Variants in PLD5 observed in about 807,000 individuals in gnomAD.
The protein encoded by PLD5 is phospholipase D family member 5, also known as inactive phospholipase D5.
In PLD5, 36 loss-of-function variants were observed where a neutral mutation model predicts 61.1. That is an observed-to-expected ratio of 0.59 (90% confidence interval 0.45 to 0.78). The LOEUF is 0.78. Among genes scored for constraint, PLD5 ranks in the 30% least tolerant of loss-of-function variants. The pLI is 0.00. For synonymous variants in PLD5, 243 were observed against 242.8 expected (o/e 1.00, Z -0.01); for missense variants, 515 against 644.4 (o/e 0.80, Z 2.17).
intron 3 of PLD5, among the ~76,000 whole-genome samples, chr1:242,281,113 G>A (rs921298232): frequency 8.5e-5 from 13 of 152,190 alleles, no homozygotes; most frequent in African/African-American, 3.1e-4. Flanking sequence ...GGACAGATAA[G>A]AGGCATTATG....
At chr1:242,398,227 C>A (rs1002524579) in intron 1 of PLD5, among the ~76,000 whole-genome samples, 7 of 152,164 alleles carry the variant, frequency 4.6e-5, no homozygotes, top group Admixed American at 1.3e-4. Context: ...CTTGTGAGTA[C>A]AACCTAGACA....
chr1:242,445,166 C>A (rs1456229513), intron 1 of PLD5, among the ~76,000 whole-genome samples: 1 of 152,104 alleles, frequency 6.6e-6, no homozygotes, highest in Non-Finnish European at 1.5e-5. Flanking sequence ...CATCACTAAT[C>A]AGATTAGTGC....
At chr1:242,492,392 G>A (rs964505575) in intron 1 of PLD5, among the ~76,000 whole-genome samples, 2 of 151,670 alleles carry the variant, frequency 1.3e-5, no homozygotes, top group Admixed American at 1.3e-4. Flanking sequence ...CATGGTGGTG[G>A]GTGCCTGTAA....
chr1:242,246,971 ATTCTTT>A (rs1234915673), intron 4 of PLD5, among the ~76,000 whole-genome samples: 5 of 127,700 alleles, frequency 3.9e-5, no homozygotes, highest in Admixed American at 3.5e-4. Context: ...GGTTTTAGGG[ATTCTTT>A]TTTTTTTTTT....
chr1:242,191,867 G>T (rs112269179), intron 5 of PLD5, among the ~76,000 whole-genome samples: 232 of 152,244 alleles, frequency 1.5e-3, no homozygotes, highest in African/African-American at 5.1e-3. Context: ...TAGGAGGGTG[G>T]TTGTGAGGTC....
intron 5 of PLD5, among the ~76,000 whole-genome samples, chr1:242,169,670 C>T (rs930527755): frequency 6.6e-6 from 1 of 152,170 alleles, no homozygotes; most frequent in Non-Finnish European, 1.5e-5. Context: ...AGCAAACTAA[C>T]ATCCACTGGC....
At chr1:242,207,772 ATTTATATAT>A (rs1558343424) in intron 5 of PLD5, among the ~76,000 whole-genome samples, 18 of 107,750 alleles carry the variant, frequency 1.7e-4, no homozygotes, top group African/African-American at 9.4e-4. Flanking sequence ...ATTTATATAT[ATTTATATAT>A]ATTTATATTT....
At chr1:242,176,166 T>C (rs529260790) in intron 5 of PLD5, among the ~76,000 whole-genome samples, 3 of 152,130 alleles carry the variant, frequency 2.0e-5, no homozygotes, top group African/African-American at 7.2e-5. Context: ...GGAGGCATCA[T>C]GCTACCTGAC....
At chr1:242,362,015 T>A (rs2043910) in intron 1 of PLD5, among the ~76,000 whole-genome samples, 143,347 of 151,164 alleles carry the variant, frequency 0.95, 68,353 homozygotes, top group Non-Finnish European at 1. Context: ...AGGAAAAAAA[T>A]GGAATTTACC....
At chr1:242,503,815 G>A (rs1295772747) in intron 1 of PLD5, among the ~76,000 whole-genome samples, 1 of 152,150 alleles carries the variant, frequency 6.6e-6, no homozygotes, top group South Asian at 2.1e-4. Context: ...GTCGGGAGCC[G>A]TTGATGGCAT....
intron 5 of PLD5, among the ~76,000 whole-genome samples, chr1:242,172,547 T>C (rs1422951673): frequency 2.6e-5 from 4 of 151,984 alleles, no homozygotes; most frequent in African/African-American, 7.2e-5. Flanking sequence ...GTGAAGGCGA[T>C]AGAGACACAA....
chr1:242,220,214 C>T, intron 4 of PLD5, 99 bp from the exon 5 acceptor site: 1 of 1,442,390 alleles, frequency 6.9e-7, no homozygotes, highest in South Asian at 1.3e-5. Flanking sequence ...ACCATTTGTC[C>T]CAATTGACAT....
chr1:242,137,145 A>G lies in PLD5; in HGVS notation c.736-12480T>C, dbSNP rs562907088. On this transcript the variant is annotated intron_variant, in intron 5 of 9. Coordinates refer to ENST00000536534, the MANE Select transcript of PLD5 (RefSeq NM_001372062.1). ...CCAGGACACATAGCCCTCCTGGGCA[A>G]ATAACTCACAATCTTCCTATACCCA... Among the ~76,000 whole-genome samples, 20 of 152,346 alleles carry G rather than the reference A, an allele frequency of 1.3e-4. No individual in the cohort carries two copies. In the Middle Eastern group the frequency reaches 0.01, roughly 78 times the overall value.
chr1:242,469,671 C>T (rs1021825358), intron 1 of PLD5, among the ~76,000 whole-genome samples: 4 of 152,112 alleles, frequency 2.6e-5, no homozygotes, highest in African/African-American at 9.7e-5. Context: ...CCACTATGCC[C>T]AGCTAATTTT....
At chr1:242,098,712 G>T (rs751445027) in intron 9 of PLD5, among the ~76,000 whole-genome samples, 17 of 152,170 alleles carry the variant, frequency 1.1e-4, no homozygotes, top group Non-Finnish European at 1.9e-4. Context: ...GGTCTTTGAT[G>T]ATGGTGACGT....
At chr1:242,229,976 C>A (rs1014913690) in intron 4 of PLD5, among the ~76,000 whole-genome samples, 8 of 151,700 alleles carry the variant, frequency 5.3e-5, no homozygotes, top group African/African-American at 1.9e-4. Flanking sequence ...ACTGCCCCAT[C>A]CCCAGGGGAT....
intron 1 of PLD5, among the ~76,000 whole-genome samples, chr1:242,484,370 A>C (rs1445611187): frequency 6.6e-6 from 1 of 152,226 alleles, no homozygotes; most frequent in African/African-American, 2.4e-5. Context: ...AAAATGATAA[A>C]GGGGATATCA....
intron 1 of PLD5, among the ~76,000 whole-genome samples, chr1:242,510,275 C>T (rs986549761): frequency 8.6e-5 from 13 of 152,006 alleles, no homozygotes; most frequent in Admixed American, 7.9e-4. Context: ...CCACGGAATA[C>T]GAATGGAATT....
Position 242,250,029 on chromosome 1 carries a change from TATGA to T in PLD5, c.607+15304_607+15307del, listed in dbSNP as rs780787887. 4.6e-5 allele frequency among the ~76,000 whole-genome samples: 7 copies of T among 152,352 alleles called. No homozygotes were observed. The East Asian group carries it at 1.4e-3, about 29-fold the overall frequency. On this transcript the variant is annotated intron_variant, in intron 4 of 9. Coordinates refer to ENST00000536534, the MANE Select transcript of PLD5 (RefSeq NM_001372062.1). ...TTCCTTTCTAGCATGGTTCCCTTCA[TATGA>T]AGAAAGTTATTCCTTCACCACCTTC...
Sources: gnomAD v4.1 joint callset for allele counts (sites outside exome capture counted in the v4.1 genomes callset) on GRCh38, gnomAD v4.1.1 for gene constraint, MANE v1.5 for transcripts, NCBI Gene and HGNC (gene_info 2026-07-23, HGNC 2026-07-21) for gene names.